The following DOP1A variants were observed in gnomAD, a reference collection of about 807,000 sequenced individuals.
DOP1A encodes protein DOP1A.
Under a neutral mutation model 267.6 loss-of-function variants are expected in DOP1A, and 90 were observed. The ratio of observed to expected loss-of-function variants is 0.34; its 90% CI spans 0.28 to 0.40. The LOEUF (loss-of-function observed/expected upper bound fraction) is 0.40, where lower values mean the gene tolerates loss of function less well. Ranked by LOEUF, DOP1A falls within the 10% of genes least tolerant of loss-of-function variation. DOP1A has a pLI of 1.00. For synonymous variants in DOP1A, 932 were observed against 999.1 expected, an observed-to-expected ratio of 0.93 and a Z score of 1.27; for missense variants, 2,437 against 2,900.4, an observed-to-expected ratio of 0.84 and a Z score of 3.67.
intron 8 of DOP1A, 131 bp downstream of exon 8, chr6:83,119,118 AATATAAACAGT>A (rs1775927711): frequency 1.4e-6 from 1 of 712,826 alleles, no homozygotes; most frequent in African/African-American, 1.8e-5. Context: ...GGACAATAAA[AATATAAACAGT>A]ATTAGTTGTG....
intron 38 of DOP1A, among the ~76,000 whole-genome samples, chr6:83,163,732 A>C (rs1784775130): frequency 6.6e-6 from 1 of 152,120 alleles, no homozygotes; most frequent in African/African-American, 2.4e-5. Context: ...TACAGATTGC[A>C]AGACCCCCAC....
chr6:83,152,275 C>T lies in DOP1A; in HGVS notation c.6050-13C>T. On this transcript the variant is annotated splice_polypyrimidine_tract_variant and intron_variant, in intron 29 of 38. Transcript: ENST00000349129. ...GGGAATTAGCCATATCTTTAATTTTCTCTTATTTATAGATATGTTATCACC... is the reference window on the plus strand; with the variant it reads ...GGGAATTAGCCATATCTTTAATTTTTTCTTATTTATAGATATGTTATCACC... 6.7e-7 allele frequency: 1 copy of T among 1,501,150 alleles called. No individual in the cohort carries two copies. The highest frequency in any genetic ancestry group is 9.1e-7 in the Non-Finnish European group (1 of 1,104,114). The allele number at this position is 1,501,150 out of a possible 1,614,324, so 93.0% of individuals were successfully genotyped here.
downstream of DOP1A, chr6:83,169,911 C>G: frequency 2.5e-6 from 1 of 407,726 alleles, no homozygotes; most frequent in Non-Finnish European, 4.8e-6. Flanking sequence ...AATCAAGAGT[C>G]CAGAATGCTA....
At chr6:83,122,817 A>G in intron 11 of DOP1A, 46 bp from the exon 12 acceptor site, 1 of 1,360,488 alleles carries the variant, frequency 7.4e-7, no homozygotes, top group Non-Finnish European at 9.7e-7. Flanking sequence ...TTGAAAAAAC[A>G]AATGTTAATA....
At chr6:83,145,095 C>G (rs981012349) in intron 24 of DOP1A, among the ~76,000 whole-genome samples, 4 of 116,228 alleles carry the variant, frequency 3.4e-5, no homozygotes, top group Non-Finnish European at 1.7e-5. Flanking sequence ...AGAGCAAGAC[C>G]CCATCTCAAA....
intron 23 of DOP1A, among the ~76,000 whole-genome samples, chr6:83,141,450 C>G (rs937565205): frequency 1.3e-5 from 2 of 152,148 alleles, no homozygotes; most frequent in Non-Finnish European, 2.9e-5. Context: ...CCACCTGGAT[C>G]AGGGATCCAA....
chr6:83,100,337 T>C (rs959047597), intron 3 of DOP1A, among the ~76,000 whole-genome samples: 5 of 152,090 alleles, frequency 3.3e-5, no homozygotes, highest in African/African-American at 1.2e-4. Flanking sequence ...CAAAAATGGA[T>C]TGAAGGCTGT....
In DOP1A at chr6:83,118,920, A is replaced by G; in HGVS notation, c.813A>G (p.Ser271=). ...ATRPDMIRIL[S]AALHVVLRRD... ...GACCGGATATGATCAGGATCTTGTCAGCAGCCCTTCATGTAGTGCTAAGGA... is the reference window on the plus strand; with the variant it reads ...GACCGGATATGATCAGGATCTTGTCGGCAGCCCTTCATGTAGTGCTAAGGA... Residue 271 remains serine, a synonymous_variant, in exon 8 of 39, where the codon TCA becomes TCG. Coordinates refer to ENST00000349129, the MANE Select transcript of DOP1A (RefSeq NM_015018.4). 6.2e-7 allele frequency: 1 copy of G among 1,613,720 alleles called. No homozygotes were observed. Among genetic ancestry groups the G allele is most frequent in the Non-Finnish European group, 8.5e-7 (1 of 1,179,702 alleles).
At chr6:83,118,799 C>A in intron 7 of DOP1A, 89 bp from the exon 8 acceptor site, 1 of 1,059,804 alleles carries the variant, frequency 9.4e-7, no homozygotes, top group Non-Finnish European at 1.4e-6. Flanking sequence ...CCCTAATATT[C>A]TAAGCATATT....
intron 1 of DOP1A, among the ~76,000 whole-genome samples, chr6:83,077,959 A>G (rs1767418930): frequency 6.6e-6 from 1 of 152,236 alleles, no homozygotes; most frequent in Admixed American, 6.5e-5. Context: ...TGTGGGTTGG[A>G]CAAGCTTATT....
In DOP1A at chr6:83,166,288, C is replaced by T. The variant is rs112081983; in HGVS notation, c.7093-1574C>T. The T allele has an allele frequency of 3.1e-3, 1,865 of 595,350 alleles. 22 individuals carry two copies. The highest frequency in any genetic ancestry group is 0.03 in the African/African-American group (1,646 of 54,430). The allele number at this position is 595,350 out of a possible 1,614,324, so 36.9% of individuals were successfully genotyped here. A position where few individuals can be genotyped will look rare whatever the true frequency, so the allele number is the denominator to read the frequency against. On this transcript the variant is annotated intron_variant, in intron 38 of 38. Transcript: ENST00000349129. ...CTTATAGTTGTAAGAGGATCAGCTT[C>T]GATGATGTTCTCAATTGGTCATTAT...
At chr6:83,142,653 G>T (rs1336448160) in intron 24 of DOP1A, among the ~76,000 whole-genome samples, 1 of 152,106 alleles carries the variant, frequency 6.6e-6, no homozygotes, top group Non-Finnish European at 1.5e-5. Flanking sequence ...TAGTCATTTA[G>T]GGTACAAAGC....
Position 83,113,411 on chromosome 6 carries a change from A to T in DOP1A, c.770A>T (p.His257Leu). ...CTCATACTCTTCTGTTTTCCATTCC[A>T]CATGAGTCAGGTAAAATATTAACGC... ...LDLILFCFPFHMSQATRPDMI... is the reference protein window; with the variant it reads ...LDLILFCFPFLMSQATRPDMI... Residue 257 changes from histidine (H) to leucine (L), a missense_variant, in exon 7 of 39, where the codon CAC becomes CTC. Coordinates refer to ENST00000349129, the MANE Select transcript of DOP1A (RefSeq NM_015018.4). 4 of 1,613,632 alleles carry T rather than the reference A, an allele frequency of 2.5e-6. No homozygotes were observed. Among genetic ancestry groups the T allele is most frequent in the Non-Finnish European group, 3.4e-6 (4 of 1,179,702 alleles).
At chr6:83,120,004 A>C (rs989524560) in intron 9 of DOP1A, 147 bp downstream of exon 9, 3 of 571,172 alleles carry the variant, frequency 5.3e-6, no homozygotes, top group East Asian at 6.1e-5. Context: ...TTATAACAAG[A>C]AAATTCCTGT....
intron 34 of DOP1A, 80 bp from the exon 35 acceptor site, chr6:83,157,102 A>G: frequency 7.3e-7 from 1 of 1,374,782 alleles, no homozygotes; most frequent in South Asian, 1.4e-5. Flanking sequence ...AGATAGTTTG[A>G]GAGTACTGGA....
At chr6:83,157,524 G>C (rs1342027711) in intron 35 of DOP1A, among the ~76,000 whole-genome samples, 1 of 152,208 alleles carries the variant, frequency 6.6e-6, no homozygotes, top group Non-Finnish European at 1.5e-5. Flanking sequence ...CAACATAGAT[G>C]GATGGCCAGC....
At chr6:83,134,448 G>A in intron 19 of DOP1A, 161 bp downstream of exon 19, 1 of 553,332 alleles carries the variant, frequency 1.8e-6, no homozygotes, top group Non-Finnish European at 2.9e-6. Context: ...TAAAATGCAT[G>A]GCATTTTTAC....
At position 83,156,591 on chromosome 6, in the gene DOP1A, C is replaced by T. The variant is rs577420858; in HGVS notation, c.6604+488C>T. Among the ~76,000 whole-genome samples, 15 of 152,242 alleles carry T rather than the reference C, an allele frequency of 9.9e-5. No homozygotes were observed. The South Asian group carries it at 2.3e-3, about 23-fold the overall frequency. On this transcript the variant is annotated intron_variant, in intron 34 of 38. Coordinates refer to ENST00000349129, the MANE Select transcript of DOP1A (RefSeq NM_015018.4). The stretch of plus-strand genomic sequence containing the variant: ...CTGTATCCAGAAGGATATCAGTACA[C>T]GTGTCATCACCCTGTACCACCAAAT...
At chr6:83,171,100 G>A, downstream of DOP1A, 1 of 152,280 alleles carries the variant, frequency 6.6e-6, no homozygotes, top group Non-Finnish European at 1.5e-5. Context: ...AGCACTTTGG[G>A]AGGCCAAGGG....
Sources: gnomAD v4.1 joint callset for allele counts (sites outside exome capture counted in the v4.1 genomes callset) on GRCh38, gnomAD v4.1.1 for gene constraint, MANE v1.5 for transcripts, NCBI Gene and HGNC (gene_info 2026-07-23, HGNC 2026-07-21) for gene names.